SPATA16: variants seen among roughly 807,000 people sequenced by gnomAD.
The protein encoded by SPATA16 is spermatogenesis-associated protein 16.
SPATA16 carries 36 observed loss-of-function variants against 63.3 expected under a neutral mutation model. The observed-to-expected ratio is 0.57, with a 90% CI of 0.44 to 0.75. SPATA16 has a LOEUF of 0.75. Ranked by LOEUF, SPATA16 falls within the 30% of genes least tolerant of loss-of-function variation. SPATA16 has a pLI of 0.00. For missense variants in SPATA16, 646 were observed against 679.3 expected (o/e 0.95, Z 0.54); for synonymous variants, 203 against 216.7 (o/e 0.94, Z 0.56).
intron 4 of SPATA16, among the ~76,000 whole-genome samples, chr3:173,018,000 G>T (rs1735231573): frequency 6.6e-6 from 1 of 152,192 alleles, no homozygotes; most frequent in Non-Finnish European, 1.5e-5. Flanking sequence ...TAAATAAAAA[G>T]TAGGAAGAAG....
intron 6 of SPATA16, among the ~76,000 whole-genome samples, chr3:172,949,748 A>G (rs550834035): frequency 1.3e-5 from 2 of 152,208 alleles, no homozygotes; most frequent in South Asian, 2.1e-4. Context: ...GACCGAGATA[A>G]TGGGGATGGG....
At chr3:173,088,069 TCTTTCTTTCTGTCTTTTC>T (rs1737119855) in intron 2 of SPATA16, among the ~76,000 whole-genome samples, 3 of 141,528 alleles carry the variant, frequency 2.1e-5, no homozygotes, top group African/African-American at 8.0e-5. Flanking sequence ...TTTCTTTCTT[TCTTTCTTTCTGTCTTTTC>T]TTTTTTTTTT....
chr3:173,024,322 A>G (rs1735403747), intron 3 of SPATA16, among the ~76,000 whole-genome samples: 1 of 151,702 alleles, frequency 6.6e-6, no homozygotes, highest in Non-Finnish European at 1.5e-5. Flanking sequence ...AAAAGAATTT[A>G]GATAAGTAGG....
rs538205452 is a variant in SPATA16, at chr3:172,906,236, G to T, written c.1587+7425C>A. ...ATTCAATGGTAACAGAAAATCATGGGATCTAAAAGTGATGTGGGCAAGGAC... is the reference window on the plus strand; with the variant it reads ...ATTCAATGGTAACAGAAAATCATGGTATCTAAAAGTGATGTGGGCAAGGAC... On this transcript the variant is annotated intron_variant, in intron 10 of 10. Transcript: ENST00000351008. Among the ~76,000 whole-genome samples, 24 of 152,216 alleles carry T rather than the reference G, an allele frequency of 1.6e-4. No individual in the cohort carries two copies. The East Asian group carries it at 4.2e-3, about 27-fold the overall frequency.
chr3:173,062,922 C>A (rs1181578246), intron 2 of SPATA16, among the ~76,000 whole-genome samples: 2 of 152,320 alleles, frequency 1.3e-5, no homozygotes, highest in South Asian at 4.1e-4. Context: ...CTATGAGACT[C>A]TAATGCCCCC....
rs972221998 is a variant in SPATA16, at chr3:172,916,605, A to G, written c.1339-124T>C. 1.0e-5 allele frequency: 11 copies of G among 1,055,772 alleles called. No individual in the cohort carries two copies. The African/African-American group carries it at 1.3e-4, about 12-fold the overall frequency. 65.4% of individuals were successfully genotyped at this position (1,055,772 alleles called of 1,614,324 possible). A position where few individuals can be genotyped will look rare whatever the true frequency, so the allele number is the denominator to read the frequency against. On this transcript the variant is annotated intron_variant, in intron 8 of 10. Transcript: ENST00000351008. The stretch of plus-strand genomic sequence containing the variant: ...TTTGAAATAACGGAATCTAGTACAA[A>G]TACATGTTTCCTTCTACCATTTTAC...
chr3:173,116,421 G>T (rs1266834379), intron 2 of SPATA16, among the ~76,000 whole-genome samples: 1 of 152,098 alleles, frequency 6.6e-6, no homozygotes, highest in African/African-American at 2.4e-5. Flanking sequence ...CCTTCTATAG[G>T]TACAGTATGT....
At chr3:173,059,154 T>C (rs747937431) in intron 2 of SPATA16, among the ~76,000 whole-genome samples, 10 of 152,138 alleles carry the variant, frequency 6.6e-5, no homozygotes, top group Non-Finnish European at 1.2e-4. Flanking sequence ...ACTGTATTTC[T>C]TAACTAGAAT....
chr3:172,936,541 A>G (rs1732998313), intron 6 of SPATA16, among the ~76,000 whole-genome samples: 2 of 151,806 alleles, frequency 1.3e-5, no homozygotes, highest in Non-Finnish European at 2.9e-5. Context: ...TGTTGCTCTT[A>G]TGGTATTTTG....
intron 5 of SPATA16, among the ~76,000 whole-genome samples, chr3:172,969,160 G>C (rs1733989590): frequency 6.6e-6 from 1 of 152,148 alleles, no homozygotes; most frequent in Non-Finnish European, 1.5e-5. Flanking sequence ...TTTGCTTCAG[G>C]GATGTGAAGT....
chr3:173,110,547 A>G (rs1324645912), intron 2 of SPATA16, among the ~76,000 whole-genome samples: 1 of 152,230 alleles, frequency 6.6e-6, no homozygotes, highest in Non-Finnish European at 1.5e-5. Context: ...CATACAGGGA[A>G]GTGAGGTACT....
chr3:173,137,526 G>A (rs1014398925), intron 1 of SPATA16, among the ~76,000 whole-genome samples: 10 of 152,120 alleles, frequency 6.6e-5, no homozygotes, highest in African/African-American at 1.9e-4. Context: ...AGCTGCAGAA[G>A]ATAAAGCTTC....
intron 2 of SPATA16, among the ~76,000 whole-genome samples, chr3:173,088,544 T>C (rs1737145129): frequency 6.6e-6 from 1 of 152,206 alleles, no homozygotes; most frequent in African/African-American, 2.4e-5. Flanking sequence ...TATGATTATA[T>C]AGATTTGTAT....
At chr3:172,956,925 A>G (rs954021436) in intron 5 of SPATA16, 101 bp from the exon 6 acceptor site, 2 of 1,359,860 alleles carry the variant, frequency 1.5e-6, no homozygotes, top group Admixed American at 1.9e-5. Context: ...AAAAATCTAT[A>G]TACTGTACTG....
intron 6 of SPATA16, among the ~76,000 whole-genome samples, chr3:172,944,703 T>C (rs1733239735): frequency 6.6e-6 from 1 of 152,236 alleles, no homozygotes; most frequent in African/African-American, 2.4e-5. Flanking sequence ...TGGATGAACT[T>C]TGAAGACATT....
At chr3:173,023,326 G>A (rs1483030133) in intron 3 of SPATA16, among the ~76,000 whole-genome samples, 2 of 151,902 alleles carry the variant, frequency 1.3e-5, no homozygotes, top group Non-Finnish European at 2.9e-5. Context: ...AAGTTCATAT[G>A]CACACTTGGG....
chr3:173,117,876 C>A, intron 1 of SPATA16, 127 bp from the exon 2 acceptor site: 1 of 1,433,182 alleles, frequency 7.0e-7, no homozygotes. Flanking sequence ...GTAAGTAAAA[C>A]TGTATTTACA....
chr3:173,082,677 G>A (rs1736954136), intron 2 of SPATA16, among the ~76,000 whole-genome samples: 1 of 152,148 alleles, frequency 6.6e-6, no homozygotes, highest in Non-Finnish European at 1.5e-5. Context: ...GCTCCAGATG[G>A]GCATGCCAGG....
intron 10 of SPATA16, among the ~76,000 whole-genome samples, chr3:172,910,687 C>T (rs189023411): frequency 9.2e-5 from 14 of 152,268 alleles, no homozygotes; most frequent in Non-Finnish European, 7.4e-5. Context: ...TCTAATTCCT[C>T]TTGCCAGTCC....
Sources: allele counts gnomAD v4.1 joint callset (sites outside exome capture counted in the v4.1 genomes callset), GRCh38; gene constraint gnomAD v4.1.1; transcripts MANE v1.5; gene names NCBI Gene and HGNC (gene_info 2026-07-23, HGNC 2026-07-21).